The following RAB6B variants were observed in gnomAD, a reference collection of about 807,000 sequenced individuals.
RAB6B encodes ras-related protein Rab-6B.
In RAB6B, 7 loss-of-function variants were observed where a neutral mutation model predicts 31.2. That is an observed-to-expected ratio of 0.22 (90% confidence interval 0.13 to 0.42). The LOEUF is 0.42. RAB6B is among the 10% of genes least tolerant of loss of function. The pLI is 1.00. For missense variants in RAB6B, 149 were observed against 280.6 expected, an observed-to-expected ratio of 0.53 and a Z score of 3.35; for synonymous variants, 105 against 104.9, an observed-to-expected ratio of 1.00 and a Z score of -0.01.
At chr3:133,831,102 T>C (rs957533089) in intron 7 of RAB6B, among the ~76,000 whole-genome samples, 1 of 152,188 alleles carries the variant, frequency 6.6e-6, no homozygotes, top group South Asian at 2.1e-4. Flanking sequence ...AACAATCTCA[T>C]GCGCAATTTG....
chr3:133,831,179 T>C (rs1418563109), intron 7 of RAB6B, among the ~76,000 whole-genome samples: 1 of 152,256 alleles, frequency 6.6e-6, no homozygotes, highest in Non-Finnish European at 1.5e-5. Flanking sequence ...TTTTCTGGGA[T>C]GTTTGTTAAA....
At chr3:133,882,370 A>G (rs1411459240) in intron 1 of RAB6B, among the ~76,000 whole-genome samples, 1 of 152,200 alleles carries the variant, frequency 6.6e-6, no homozygotes, top group Admixed American at 6.5e-5. Flanking sequence ...GCAAGTCACA[A>G]GTTCCATCTG....
intron 1 of RAB6B, among the ~76,000 whole-genome samples, chr3:133,887,324 C>T (rs1936562674): frequency 6.6e-6 from 1 of 152,186 alleles, no homozygotes; most frequent in Non-Finnish European, 1.5e-5. Context: ...AGCCAGCATG[C>T]CCCTCCCCCA....
Position 133,892,877 on chromosome 3 carries a change from TAGA to T in RAB6B, c.70+2517_70+2519del, listed in dbSNP as rs1251767604. ...CAGATGCAAAACTGTGCAGGCAAGG[TAGA>T]AGAAGCGGCTGTGGAGGTGACTCCC... On this transcript the variant is annotated intron_variant, in intron 1 of 7. Coordinates refer to ENST00000285208, the MANE Select transcript of RAB6B (RefSeq NM_016577.4). Among the ~76,000 whole-genome samples the T allele has an allele frequency of 2.0e-5, 3 of 152,286 alleles. No individual in the cohort carries two copies. In the East Asian group the frequency reaches 5.8e-4, roughly 29 times the overall value.
intron 4 of RAB6B, among the ~76,000 whole-genome samples, chr3:133,840,123 G>C (rs75252591): frequency 0.013 from 1,968 of 152,180 alleles, 23 homozygotes; most frequent in Middle Eastern, 0.031. Context: ...GCTCAGGAGA[G>C]TTTGGGGAAG....
At position 133,895,486 on chromosome 3, in the gene RAB6B, G is replaced by T. The variant is rs765407073; in HGVS notation, c.-20C>A. ...GGACATGGTGCTGGCAGCCGGGGCC[G>T]GGAGAGGAGGAGGAGGAAAAAGCGA... is the stretch of plus-strand genomic sequence containing the variant. On this transcript the variant is annotated 5_prime_UTR_variant, in exon 1 of 8. Transcript: ENST00000285208. 6.2e-7 allele frequency: 1 copy of T among 1,610,744 alleles called. No homozygotes were observed. The highest frequency in any genetic ancestry group is 8.5e-7 in the Non-Finnish European group (1 of 1,178,190).
chr3:133,832,753 G>A (rs1559898583), intron 7 of RAB6B, among the ~76,000 whole-genome samples: 2 of 152,336 alleles, frequency 1.3e-5, no homozygotes, highest in Admixed American at 1.3e-4. Context: ...CTACCCAGAT[G>A]AGGGGACCCC....
At chr3:133,841,764 G>GCTCA in intron 2 of RAB6B, 101 bp from the exon 3 acceptor site, 1 of 1,175,622 alleles carries the variant, frequency 8.5e-7, no homozygotes, top group Non-Finnish European at 1.2e-6. Flanking sequence ...AAGAGGGGAC[G>GCTCA]CTCATGTCAG....
At chr3:133,867,759 G>C (rs1016497243) in intron 1 of RAB6B, among the ~76,000 whole-genome samples, 1 of 152,198 alleles carries the variant, frequency 6.6e-6, no homozygotes, top group Non-Finnish European at 1.5e-5. Flanking sequence ...GGTACAAGGA[G>C]GGCTCAGAAA....
chr3:133,862,136 A>G (rs1250650443), intron 2 of RAB6B, among the ~76,000 whole-genome samples: 3 of 152,014 alleles, frequency 2.0e-5, no homozygotes, highest in Non-Finnish European at 4.4e-5. Context: ...TATTGAAAAA[A>G]AAAAAAAGAG....
chr3:133,869,214 T>C (rs562025680), intron 1 of RAB6B, among the ~76,000 whole-genome samples: 94 of 152,304 alleles, frequency 6.2e-4, no homozygotes, highest in African/African-American at 2.1e-3. Context: ...CAGGCTAGGT[T>C]GCTATGGGGG....
chr3:133,847,455 T>C (rs1935921583), intron 2 of RAB6B, among the ~76,000 whole-genome samples: 1 of 152,218 alleles, frequency 6.6e-6, no homozygotes, highest in Non-Finnish European at 1.5e-5. Context: ...AGCCATCTCC[T>C]TTCTCTTCTA....
rs1305509565 is a variant in RAB6B at position 133,827,752 on chromosome 3, C to A, written c.*1036G>T. 1.9e-4 allele frequency: 16 copies of A among 86,152 alleles called. No individual in the cohort carries two copies. Among genetic ancestry groups the A allele is most frequent in the South Asian group, 6.1e-4 (3 of 4,942 alleles). 5.3% of individuals were successfully genotyped at this position (86,152 alleles called of 1,614,324 possible). A position where few individuals can be genotyped will look rare whatever the true frequency, so the allele number is the denominator to read the frequency against. ...TGGTGGTTCTGCAGACAACACCCCC[C>A]CCCCCCCCCGCCTCCCCATCACAGA... is the stretch of plus-strand genomic sequence containing the variant. On this transcript the variant is annotated 3_prime_UTR_variant, in exon 8 of 8. Transcript: ENST00000285208.
intron 1 of RAB6B, among the ~76,000 whole-genome samples, chr3:133,890,732 T>C (rs942387555): frequency 1.3e-5 from 2 of 152,088 alleles, no homozygotes; most frequent in Non-Finnish European, 2.9e-5. Flanking sequence ...TCAAGATACT[T>C]AATAAGCACA....
chr3:133,885,031 G>A (rs758029314), intron 1 of RAB6B, among the ~76,000 whole-genome samples: 2 of 149,696 alleles, frequency 1.3e-5, no homozygotes, highest in Non-Finnish European at 1.5e-5. Flanking sequence ...CAGAGGATGG[G>A]GGGCTCACAC....
In RAB6B at chr3:133,895,437, T is replaced by G. The variant is rs866029168; in HGVS notation, c.30A>C (p.Pro10=). MSAGGDFGN[P]LRKFKLVFLG... is the part of the protein sequence containing the mutation. ...AGAACACCAACTTGAATTTTCTCAG[T>G]GGATTCCCAAAATCTCCCCCTGCGG... is the stretch of plus-strand genomic sequence containing the variant. The change falls in exon 1 of 8, where the codon CCA becomes CCC. Residue 10 remains proline, a synonymous_variant. Coordinates refer to ENST00000285208, the MANE Select transcript of RAB6B (RefSeq NM_016577.4). 8.7e-6 allele frequency: 14 copies of G among 1,610,514 alleles called. No homozygotes were observed. The Middle Eastern group carries it at 1.3e-3, about 152-fold the overall frequency.
intron 1 of RAB6B, among the ~76,000 whole-genome samples, chr3:133,876,464 T>G (rs1208241266): frequency 2.6e-5 from 4 of 152,254 alleles, no homozygotes; most frequent in African/African-American, 7.2e-5. Context: ...TCTCTCTTAT[T>G]CACAACTACA....
chr3:133,836,938 T>C (rs1935745118), intron 6 of RAB6B, among the ~76,000 whole-genome samples: 1 of 152,172 alleles, frequency 6.6e-6, no homozygotes, highest in Non-Finnish European at 1.5e-5. Context: ...CCACCAGCAC[T>C]GTCCACACAG....
intron 1 of RAB6B, among the ~76,000 whole-genome samples, chr3:133,893,163 C>T (rs1017559693): frequency 2.0e-5 from 3 of 152,240 alleles, no homozygotes; most frequent in Non-Finnish European, 4.4e-5. Flanking sequence ...CAAGCCCCAA[C>T]TATAAGCCTG....
Sources: gnomAD v4.1 joint callset for allele counts (sites outside exome capture counted in the v4.1 genomes callset) on GRCh38, gnomAD v4.1.1 for gene constraint, MANE v1.5 for transcripts, NCBI Gene and HGNC (gene_info 2026-07-23, HGNC 2026-07-21) for gene names.